Variants in GAA observed in about 807,000 individuals in gnomAD.
The protein encoded by GAA is lysosomal alpha-glucosidase.
GAA carries 88 observed loss-of-function variants against 103.9 expected under a neutral mutation model. That is an observed-to-expected ratio of 0.85 (90% CI 0.71 to 1.01). The LOEUF is 1.01. Ranked by LOEUF, GAA falls within the 50% of genes least tolerant of loss-of-function variation. The pLI, the probability that GAA is intolerant of heterozygous loss-of-function variation, is 0.00. For missense variants in GAA, 1,350 were observed against 1,305.3 expected (o/e 1.03, Z -0.53); for synonymous variants, 572 against 563.1 (o/e 1.02, Z -0.22).
rs1172862164 is a variant in GAA at position 80,108,795 on chromosome 17, G to T, written c.1293G>T (p.Leu431=). 1.2e-6 allele frequency: 2 copies of T among 1,605,520 alleles called. No homozygotes were observed. The highest frequency in any genetic ancestry group is 2.2e-5 in the South Asian group (2 of 90,002). Reference sequence around the variant, plus strand: ...ACTTCCCGGCCATGGTGCAGGAGCTGCACCAGGGCGGCCGGCGCTACATGA... The same window carrying T: ...ACTTCCCGGCCATGGTGCAGGAGCTTCACCAGGGCGGCCGGCGCTACATGA... ...FRDFPAMVQE[L]HQGGRRYMMI... is the part of the protein sequence containing the mutation. The change falls in exon 8 of 20, where the codon CTG becomes CTT. Residue 431 remains leucine (L), a synonymous_variant. Coordinates refer to ENST00000302262, the MANE Select transcript of GAA (RefSeq NM_000152.5).
intron 14 of GAA, 50 bp downstream of exon 14, chr17:80,113,077 ACT>A: frequency 1.3e-6 from 2 of 1,565,446 alleles, no homozygotes; most frequent in Non-Finnish European, 1.7e-6. Context: ...CCCACCCAAG[ACT>A]CTCCCCTGGG....
intron 15 of GAA, among the ~76,000 whole-genome samples, chr17:80,113,614 G>C (rs2039298136): frequency 6.6e-6 from 1 of 152,224 alleles, no homozygotes; most frequent in African/African-American, 2.4e-5. Context: ...TGTTGAGGGA[G>C]GATTCCCAGA....
chr17:80,118,247 G>A lies in GAA; in HGVS notation c.2536G>A (p.Ala846Thr), dbSNP rs1464282302. The change falls in exon 18 of 20, where the codon GCC becomes ACC. Residue 846 changes from alanine to threonine, a missense_variant. Physicochemically the swap from Ala to Thr is moderately conservative, Grantham distance 58. Transcript: ENST00000302262. ...SRQQPMALAV[A>T]LTKGGEARGE... ...CCAGCAGCCCATGGCCCTGGCTGTG[G>A]CCCTGACCAAGGGTGGGGAGGCCCG... is the stretch of plus-strand genomic sequence containing the variant. The A allele has an allele frequency of 1.2e-6, 2 of 1,612,420 alleles. No individual in the cohort carries two copies. Among genetic ancestry groups the A allele is most frequent in the South Asian group, 1.1e-5 (1 of 90,894 alleles).
At chr17:80,103,615 A>T (rs999148966) in intron 1 of GAA, among the ~76,000 whole-genome samples, 1 of 152,182 alleles carries the variant, frequency 6.6e-6, no homozygotes, top group Non-Finnish European at 1.5e-5. Flanking sequence ...TTACCAGCAG[A>T]ATAATGAAAG....
intron 11 of GAA, among the ~76,000 whole-genome samples, chr17:80,111,296 C>T (rs906208890): frequency 7.9e-5 from 12 of 152,340 alleles, no homozygotes; most frequent in Middle Eastern, 3.4e-3. Context: ...AGAGCCGTCT[C>T]GATAGGCGCA....
chr17:80,105,086 T>A lies in GAA; in HGVS notation c.500T>A (p.Leu167Gln). ...PTFFPKDILT[L>Q]RLDVMMETEN... ...TTCTTCCCCAAGGACATCCTGACCC[T>A]GCGGCTGGACGTGATGATGGAGACT... The change falls in exon 2 of 20, where the codon CTG becomes CAG. Residue 167 changes from leucine to glutamine, a missense_variant. Coordinates refer to ENST00000302262, the MANE Select transcript of GAA (RefSeq NM_000152.5). The A allele has an allele frequency of 1.2e-6, 2 of 1,612,190 alleles. No homozygotes were observed. Among genetic ancestry groups the A allele is most frequent in the Non-Finnish European group, 1.7e-6 (2 of 1,179,880 alleles).
chr17:80,103,753 C>G (rs1166912134), intron 1 of GAA, among the ~76,000 whole-genome samples: 1 of 152,162 alleles, frequency 6.6e-6, no homozygotes, highest in Non-Finnish European at 1.5e-5. Flanking sequence ...GGGTTCTGAT[C>G]TGCAAAGTCG....
intron 12 of GAA, 113 bp from the exon 13 acceptor site, chr17:80,112,465 C>A: frequency 1.5e-6 from 2 of 1,367,362 alleles, no homozygotes; most frequent in Non-Finnish European, 2.0e-6. Context: ...TCCTCCTCCC[C>A]AGCCTCTGCC....
rs1334402365 is a variant in GAA, at chr17:80,108,346, G to T, written c.1012G>T (p.Asp338Tyr). Residue 338 changes from aspartate to tyrosine, a missense_variant, in exon 6 of 20, where the codon GAT becomes TAT. Transcript: ENST00000302262. Reference protein sequence around the residue: ...LSWRSTGGILDVYIFLGPEPK... With the variant: ...LSWRSTGGILYVYIFLGPEPK... ...CTGGAGGTCGACAGGTGGGATCCTG[G>T]ATGTCTACATCTTCCTGGGCCCAGA... 2 of 1,613,710 alleles carry T rather than the reference G, an allele frequency of 1.2e-6. No individual in the cohort carries two copies. The highest frequency in any genetic ancestry group is 1.7e-5 in the Admixed American group (1 of 60,036).
At position 80,118,235 on chromosome 17, in the gene GAA, G is replaced by T; in HGVS notation, c.2524G>T (p.Ala842Ser). The change falls in exon 18 of 20, where the codon GCC (alanine) becomes TCC (serine). Residue 842 changes from alanine to serine, a missense_variant. Transcript: ENST00000302262. ...CACAGAGTCCCGCCAGCAGCCCATG[G>T]CCCTGGCTGTGGCCCTGACCAAGGG... is the stretch of plus-strand genomic sequence containing the variant. ...TTTESRQQPM[A>S]LAVALTKGGE... 1 of 1,612,904 alleles carries T rather than the reference G, an allele frequency of 6.2e-7. No individual in the cohort carries two copies. Among genetic ancestry groups the T allele is most frequent in the Non-Finnish European group, 8.5e-7 (1 of 1,179,634 alleles).
At chr17:80,103,549 C>A (rs1394726085) in intron 1 of GAA, among the ~76,000 whole-genome samples, 6 of 152,120 alleles carry the variant, frequency 3.9e-5, no homozygotes, top group Admixed American at 3.9e-4. Context: ...AGAATGTTTG[C>A]CATAAAATAT....
intron 2 of GAA, among the ~76,000 whole-genome samples, chr17:80,105,480 G>A (rs562648402): frequency 9.2e-5 from 14 of 152,314 alleles, no homozygotes; most frequent in South Asian, 2.1e-4. Context: ...TGCAAAATTT[G>A]GGATGTATTT....
rs2039022234 is a variant in GAA, at chr17:80,104,525, C to T, written c.-32-30C>T. ...CCCGTGAGTGCCGCCCCTCCCGCCT[C>T]CCTGCTGAGCCCGCTTTCTTCTCCC... On this transcript the variant is annotated intron_variant, in intron 1 of 19. Coordinates refer to ENST00000302262, the MANE Select transcript of GAA (RefSeq NM_000152.5). The surrounding 1 kb of genome is among the most constrained non-coding windows in gnomAD (Gnocchi z 4.0). 6.6e-7 allele frequency: 1 copy of T among 1,517,350 alleles called. No individual in the cohort carries two copies. The highest frequency in any genetic ancestry group is 1.2e-5 in the South Asian group (1 of 81,518). 94.0% of individuals were successfully genotyped at this position (1,517,350 alleles called of 1,614,324 possible).
chr17:80,118,699 G>T lies in GAA; in HGVS notation c.2693G>T (p.Gly898Val). 6.2e-7 allele frequency: 1 copy of T among 1,613,044 alleles called. No homozygotes were observed. Residue 898 changes from glycine to valine, a missense_variant, in exon 19 of 20, where the codon GGC (glycine) becomes GTC (valine). Gly to Val is a moderately radical substitution (Grantham distance 109). Transcript: ENST00000302262. ...GTACGTGTGACCAGTGAGGGAGCTG[G>T]CCTGCAGCTGCAGAAGGTGACTGTC... Reference protein sequence around the residue: ...ELVRVTSEGAGLQLQKVTVLG... With the variant: ...ELVRVTSEGAVLQLQKVTVLG...
chr17:80,109,604 A>G (rs1417922221), intron 8 of GAA, among the ~76,000 whole-genome samples: 1 of 149,620 alleles, frequency 6.7e-6, no homozygotes, highest in African/African-American at 2.5e-5. Flanking sequence ...AGCCCTTAAG[A>G]GCAGGAGTGG....
intron 3 of GAA, among the ~76,000 whole-genome samples, chr17:80,106,254 C>A (rs2039084665): frequency 6.6e-6 from 1 of 152,208 alleles, no homozygotes; most frequent in Non-Finnish European, 1.5e-5. Flanking sequence ...CACGCACTGA[C>A]CCTCCGTGCC....
chr17:80,118,044 C>T lies in GAA; in HGVS notation c.2482-149C>T, dbSNP rs550667837. On this transcript the variant is annotated intron_variant, in intron 17 of 19. Transcript: ENST00000302262. Reference sequence around the variant, plus strand: ...TGGGGAAGGTCTTGGGTCATCACCACGGGGTTCCAGCCCCTGCGGCCGCAG... The same window carrying T: ...TGGGGAAGGTCTTGGGTCATCACCATGGGGTTCCAGCCCCTGCGGCCGCAG... 2.2e-4 allele frequency: 203 copies of T among 938,628 alleles called. 1 individual carries two copies. The highest frequency in any genetic ancestry group is 2.9e-4 in the Non-Finnish European group (185 of 635,924). The allele number at this position is 938,628 out of a possible 1,614,324, so 58.1% of individuals were successfully genotyped here.
rs28940868 is a variant in GAA, at chr17:80,112,922, C to A, written c.1935C>A (p.Asp645Glu). The A allele has an allele frequency of 1.7e-5, 28 of 1,610,618 alleles. No individual in the cohort carries two copies. The East Asian group carries it at 6.2e-4, about 36-fold the overall frequency. ...NLLGVPLVGA[D>E]VCGFLGNTSE... Reference sequence around the variant, plus strand: ...TGGGGGTGCCTCTGGTCGGGGCCGACGTCTGCGGCTTCCTGGGCAACACCT... The same window carrying A: ...TGGGGGTGCCTCTGGTCGGGGCCGAAGTCTGCGGCTTCCTGGGCAACACCT... Residue 645 changes from aspartate (D) to glutamate (E), a missense_variant, in exon 14 of 20, where the codon GAC becomes GAA. Physicochemically the swap from Asp to Glu is conservative, Grantham distance 45. Transcript: ENST00000302262.
At chr17:80,118,617 A>G (rs751112031) in intron 18 of GAA, 36 bp from the exon 19 acceptor site, 1 of 1,609,316 alleles carries the variant, frequency 6.2e-7, no homozygotes, top group Non-Finnish European at 8.5e-7. Flanking sequence ...ACACCTCCAC[A>G]TTCTCTGCCT....
Sources: gnomAD v4.1 joint callset for allele counts (sites outside exome capture counted in the v4.1 genomes callset) on GRCh38, gnomAD v4.1.1 for gene constraint, Gnocchi (gnomAD v3.1) non-coding constraint, MANE v1.5 for transcripts, NCBI Gene and HGNC (gene_info 2026-07-23, HGNC 2026-07-21) for gene names.